SBF2: variants seen among roughly 807,000 people sequenced by gnomAD.
SBF2 encodes SET binding factor 2.
In SBF2, 112 loss-of-function variants were observed where a neutral mutation model predicts 225.2. The observed-to-expected ratio is 0.50, with a 90% CI of 0.43 to 0.58. The LOEUF (loss-of-function observed/expected upper bound fraction) is 0.58, where lower values mean the gene tolerates loss of function less well. Among genes scored for constraint, SBF2 ranks in the 20% least tolerant of loss-of-function variants. SBF2 has a pLI of 0.00. For synonymous variants in SBF2, 763 were observed against 773.3 expected, an observed-to-expected ratio of 0.99 and a Z score of 0.22; for missense variants, 1,996 against 2,206.2, an observed-to-expected ratio of 0.90 and a Z score of 1.91.
At chr11:9,976,815 C>T (rs1296374727) in intron 13 of SBF2, among the ~76,000 whole-genome samples, 1 of 151,672 alleles carries the variant, frequency 6.6e-6, no homozygotes, top group East Asian at 1.9e-4. Context: ...GTTGCCCAGG[C>T]TGGAGTGCAG....
At position 9,962,190 on chromosome 11, in the gene SBF2, C is replaced by T. The variant is rs2403226; in HGVS notation, c.1711-84G>A. The T allele has an allele frequency of 0.31, 388,593 of 1,268,052 alleles. 61,091 individuals are homozygous for T. Among genetic ancestry groups the T allele is most frequent in the Admixed American group, 0.42 (24,486 of 58,386 alleles). 78.6% of individuals were successfully genotyped at this position (1,268,052 alleles called of 1,614,324 possible). A position where few individuals can be genotyped will look rare whatever the true frequency, so the allele number is the denominator to read the frequency against. On this transcript the variant is annotated intron_variant, in intron 15 of 39. Transcript: ENST00000256190. ...CAAACAATCATCCTGAAAATTCAAA[C>T]GCATCCTATAATTTATTTAACATAG...
At chr11:9,907,400 C>G (rs143033222) in intron 16 of SBF2, among the ~76,000 whole-genome samples, 66 of 152,298 alleles carry the variant, frequency 4.3e-4, no homozygotes, top group Middle Eastern at 3.4e-3. Flanking sequence ...GGAAGCCCAT[C>G]CATGCTTTGG....
At chr11:9,877,201 T>C (rs368953016) in intron 17 of SBF2, among the ~76,000 whole-genome samples, 117 of 152,322 alleles carry the variant, frequency 7.7e-4, no homozygotes, top group African/African-American at 2.6e-3. Context: ...AGTATTAGTA[T>C]TTCTATGACA....
intron 1 of SBF2, among the ~76,000 whole-genome samples, chr11:10,263,452 A>C (rs950023001): frequency 3.3e-5 from 5 of 152,262 alleles, no homozygotes; most frequent in Admixed American, 2.0e-4. Flanking sequence ...AATGAATTAC[A>C]GTCTTCTTAA....
At chr11:9,985,670 G>C (rs1469053480) in intron 13 of SBF2, among the ~76,000 whole-genome samples, 1 of 152,120 alleles carries the variant, frequency 6.6e-6, no homozygotes, top group Non-Finnish European at 1.5e-5. Context: ...AGCAACAGTG[G>C]TTAAAAAAGA....
chr11:10,047,639 T>C (rs1949913323), intron 2 of SBF2, among the ~76,000 whole-genome samples: 1 of 152,152 alleles, frequency 6.6e-6, no homozygotes, highest in African/African-American at 2.4e-5. Context: ...TTTCCAAAAC[T>C]AGCTCCTCCT....
In SBF2 at chr11:9,968,527, T is replaced by C. The variant is rs1590636623; in HGVS notation, c.1414A>G (p.Met472Val). ...LFKNENPNPH[M>V]AFQKVPRPTE... ...GGCCGTGGAACTTTCTGGAATGCCATATGAGGATTTGGATTCTCCTGTAAT... is the reference window on the plus strand; with the variant it reads ...GGCCGTGGAACTTTCTGGAATGCCACATGAGGATTTGGATTCTCCTGTAAT... The change falls in exon 14 of 40, where the codon ATG becomes GTG. Residue 472 changes from methionine (M) to valine (V), a missense_variant. Transcript: ENST00000256190. The C allele has an allele frequency of 1.2e-6, 2 of 1,613,892 alleles. No homozygotes were observed.
At chr11:9,781,184 T>A (rs1048624551) in intron 39 of SBF2, among the ~76,000 whole-genome samples, 2 of 152,240 alleles carry the variant, frequency 1.3e-5, no homozygotes, top group African/African-American at 4.8e-5. Flanking sequence ...CACTGAATAC[T>A]AGGGAAATAG....
chr11:9,829,243 G>A (rs1480415230), intron 28 of SBF2, 113 bp downstream of exon 28: 29 of 1,243,838 alleles, frequency 2.3e-5, no homozygotes, highest in Non-Finnish European at 3.4e-5. Flanking sequence ...AAACTTTTAA[G>A]AAGTCTTGGT....
chr11:9,782,742 G>A (rs1463030535), intron 38 of SBF2, among the ~76,000 whole-genome samples: 1 of 151,934 alleles, frequency 6.6e-6, no homozygotes, highest in Non-Finnish European at 1.5e-5. Flanking sequence ...ATGGTGGCAG[G>A]CGCCTGTAAT....
At chr11:10,126,292 GCTT>G (rs1425718077) in intron 2 of SBF2, among the ~76,000 whole-genome samples, 6 of 151,712 alleles carry the variant, frequency 4.0e-5, no homozygotes, top group Non-Finnish European at 8.8e-5. Flanking sequence ...TTTTTCTTAG[GCTT>G]CTTTAGGGTA....
chr11:9,853,830 AAGGCT>A, intron 19 of SBF2, 118 bp from the exon 20 acceptor site: 1 of 942,554 alleles, frequency 1.1e-6, no homozygotes, highest in Non-Finnish European at 1.7e-6. Context: ...ACTCAAGTAG[AAGGCT>A]CACTTAACTC....
chr11:9,858,670 C>A (rs1433533373), intron 17 of SBF2, among the ~76,000 whole-genome samples: 1 of 152,080 alleles, frequency 6.6e-6, no homozygotes, highest in African/African-American at 2.4e-5. Context: ...TTAGAAAATA[C>A]AGGAAAAGGA....
At chr11:10,032,007 C>A (rs1293636173) in intron 3 of SBF2, among the ~76,000 whole-genome samples, 1 of 152,160 alleles carries the variant, frequency 6.6e-6, no homozygotes, top group Non-Finnish European at 1.5e-5. Context: ...TTCCAAAGTG[C>A]TGGATTATAG....
intron 1 of SBF2, among the ~76,000 whole-genome samples, chr11:10,218,330 C>G (rs1251577858): frequency 2.9e-5 from 3 of 104,772 alleles, no homozygotes; most frequent in African/African-American, 6.6e-5. Context: ...ACCCCCCCCC[C>G]CACCCAATGA....
rs1276849006 is a variant in SBF2 at position 10,225,122 on chromosome 11, T to A, written c.56-31135A>T. 2.4e-4 allele frequency among the ~76,000 whole-genome samples: 36 copies of A among 152,124 alleles called. 1 individual carries two copies. Among genetic ancestry groups the A allele is most frequent in the Non-Finnish European group, 5.9e-5 (4 of 68,008 alleles). On this transcript the variant is annotated intron_variant, in intron 1 of 39. Transcript: ENST00000256190. ...TAAAAATAAAGTGAACATAAAAACA[T>A]TCCCTTCGTTGTCCCTGATAATCTA... is the stretch of plus-strand genomic sequence containing the variant.
At chr11:10,013,054 A>T (rs1948516646) in intron 6 of SBF2, among the ~76,000 whole-genome samples, 1 of 152,158 alleles carries the variant, frequency 6.6e-6, no homozygotes. Context: ...GATTTTAAGT[A>T]TGCTTTCAGT....
intron 16 of SBF2, among the ~76,000 whole-genome samples, chr11:9,930,408 G>T (rs1864401620): frequency 6.6e-6 from 1 of 152,204 alleles, no homozygotes; most frequent in Middle Eastern, 3.4e-3. Flanking sequence ...TGTAGAAAAT[G>T]CAACCTAATC....
chr11:10,131,763 A>G (rs1954067203), intron 2 of SBF2, among the ~76,000 whole-genome samples: 1 of 152,136 alleles, frequency 6.6e-6, no homozygotes, highest in Admixed American at 6.5e-5. Context: ...TATCTATTCT[A>G]TATACAAGTC....
Sources: allele counts gnomAD v4.1 joint callset (sites outside exome capture counted in the v4.1 genomes callset), GRCh38; gene constraint gnomAD v4.1.1; transcripts MANE v1.5; gene names NCBI Gene and HGNC (gene_info 2026-07-23, HGNC 2026-07-21).